ASCC3: variants seen among roughly 807,000 people sequenced by gnomAD.
ASCC3 encodes the protein ASC-1 complex subunit P200.
ASCC3 carries 158 observed loss-of-function variants against 256.3 expected under a neutral mutation model. The observed-to-expected ratio is 0.62, with a 90% CI of 0.54 to 0.70. The LOEUF (loss-of-function observed/expected upper bound fraction) is 0.70, where lower values mean the gene tolerates loss of function less well. Among genes scored for constraint, ASCC3 ranks in the 30% least tolerant of loss-of-function variants. The probability of loss-of-function intolerance (pLI) is 0.00; values close to 1 mark genes in which losing one functional copy is unlikely to be tolerated. For synonymous variants in ASCC3, 948 were observed against 883.4 expected (o/e 1.07, Z -1.30); for missense variants, 2,259 against 2,626.0 (o/e 0.86, Z 3.05).
Position 100,613,161 on chromosome 6 carries a change from G to A in ASCC3, c.4786-6073C>T, listed in dbSNP as rs2398134. 3.6e-4 allele frequency among the ~76,000 whole-genome samples: 54 copies of A among 150,662 alleles called. No individual in the cohort carries two copies. The South Asian group carries it at 8.8e-3, about 25-fold the overall frequency. ...AGAATCTATTACCTGTCTAGATTGC[G>A]TAGTGGGCAAGTCAGGGCTTTTAGG... On this transcript the variant is annotated intron_variant, in intron 30 of 41. Transcript: ENST00000369162.
intron 39 of ASCC3, among the ~76,000 whole-genome samples, chr6:100,515,952 C>G (rs1774003274): frequency 6.6e-6 from 1 of 152,142 alleles, no homozygotes; most frequent in Non-Finnish European, 1.5e-5. Context: ...AGTTCTTACT[C>G]TATGTCAAGA....
intron 13 of ASCC3, among the ~76,000 whole-genome samples, chr6:100,698,557 G>T (rs556741139): frequency 1.4e-4 from 21 of 152,114 alleles, no homozygotes; most frequent in African/African-American, 4.8e-4. Context: ...TGATAAGTCT[G>T]TATCATGAAA....
intron 8 of ASCC3, among the ~76,000 whole-genome samples, chr6:100,792,355 T>C (rs1434563143): frequency 6.6e-6 from 1 of 151,954 alleles, no homozygotes; most frequent in Non-Finnish European, 1.5e-5. Flanking sequence ...TCTTTAAATG[T>C]ATGAATTTTT....
chr6:100,870,693 A>T (rs1404881980), intron 1 of ASCC3, among the ~76,000 whole-genome samples: 1 of 152,078 alleles, frequency 6.6e-6, no homozygotes, highest in Non-Finnish European at 1.5e-5. Flanking sequence ...TTACAAATAA[A>T]CTTCTAAGTT....
intron 34 of ASCC3, among the ~76,000 whole-genome samples, chr6:100,600,118 A>G (rs1336101176): frequency 6.6e-6 from 1 of 151,888 alleles, no homozygotes; most frequent in Non-Finnish European, 1.5e-5. Context: ...TCTTTCTGTC[A>G]CACTAAATGC....
chr6:100,699,012 T>C (rs1020384564), intron 13 of ASCC3, among the ~76,000 whole-genome samples: 11 of 152,224 alleles, frequency 7.2e-5, no homozygotes, highest in African/African-American at 2.7e-4. Context: ...AACCACATTT[T>C]GATCAACATT....
intron 36 of ASCC3, among the ~76,000 whole-genome samples, chr6:100,581,310 A>C (rs1771241480): frequency 1.3e-5 from 2 of 151,626 alleles, no homozygotes; most frequent in Non-Finnish European, 2.9e-5. Context: ...TGTGGTTTTG[A>C]TTTGCATTTC....
At chr6:100,868,409 T>C (rs2114556909) in intron 1 of ASCC3, among the ~76,000 whole-genome samples, 1 of 152,314 alleles carries the variant, frequency 6.6e-6, no homozygotes, top group South Asian at 2.1e-4. Flanking sequence ...CACTTTCCAG[T>C]GGTTTCCTCT....
At chr6:100,824,330 C>T (rs563221745) in intron 4 of ASCC3, among the ~76,000 whole-genome samples, 2 of 152,266 alleles carry the variant, frequency 1.3e-5, no homozygotes, top group African/African-American at 4.8e-5. Context: ...CATTCTGTTT[C>T]CATCTAGTGA....
intron 14 of ASCC3, among the ~76,000 whole-genome samples, chr6:100,666,034 C>G (rs1259655573): frequency 2.0e-5 from 3 of 152,112 alleles, no homozygotes. Context: ...AGTTTTGTCT[C>G]TCCAAGACCA....
intron 24 of ASCC3, among the ~76,000 whole-genome samples, chr6:100,641,722 T>C (rs889554107): frequency 6.6e-6 from 1 of 152,192 alleles, no homozygotes; most frequent in Non-Finnish European, 1.5e-5. Context: ...CATGTATGTT[T>C]ACTGCAGCAC....
intron 4 of ASCC3, among the ~76,000 whole-genome samples, chr6:100,824,671 G>A (rs150118325): frequency 0.011 from 1,660 of 151,836 alleles, 13 homozygotes; most frequent in Non-Finnish European, 0.014. Context: ...ATATAAACTA[G>A]AAGACATATT....
At chr6:100,620,659 T>C (rs1773903741) in intron 30 of ASCC3, among the ~76,000 whole-genome samples, 2 of 152,210 alleles carry the variant, frequency 1.3e-5, no homozygotes, top group African/African-American at 4.8e-5. Context: ...ACACACTGCT[T>C]CATAGTTGCC....
At chr6:100,850,870 T>C (rs1772632307) in intron 3 of ASCC3, among the ~76,000 whole-genome samples, 2 of 152,152 alleles carry the variant, frequency 1.3e-5, no homozygotes, top group Non-Finnish European at 2.9e-5. Flanking sequence ...TTGGATAATT[T>C]GGGGATTATG....
At chr6:100,530,277 T>A in intron 37 of ASCC3, 1 of 1,356,408 alleles carries the variant, frequency 7.4e-7, no homozygotes, top group Non-Finnish European at 1.1e-6. Context: ...GACACCAACA[T>A]GAACAAGTTG....
intron 23 of ASCC3, among the ~76,000 whole-genome samples, chr6:100,643,274 C>T (rs559315339): frequency 1.8e-4 from 28 of 152,176 alleles, no homozygotes; most frequent in Admixed American, 3.9e-4. Flanking sequence ...ACAGAAATTA[C>T]GAATGAAGCA....
intron 8 of ASCC3, among the ~76,000 whole-genome samples, chr6:100,797,715 C>A (rs10457849): frequency 6.6e-6 from 1 of 151,564 alleles, no homozygotes; most frequent in Non-Finnish European, 1.5e-5. Context: ...TAAATAGTAG[C>A]GAGGCACTTG....
intron 18 of ASCC3, 62 bp from the exon 19 acceptor site, chr6:100,651,708 A>C: frequency 1.1e-6 from 1 of 896,582 alleles, no homozygotes; most frequent in Non-Finnish European, 1.6e-6. Flanking sequence ...TAAATTAAAA[A>C]TGTGACTATA....
Position 100,823,825 on chromosome 6 carries a change from TC to T in ASCC3, c.802-17946del, listed in dbSNP as rs1324830067. Among the ~76,000 whole-genome samples the T allele has an allele frequency of 3.3e-5, 5 of 152,266 alleles. 1 individual carries two copies. In the East Asian group the frequency reaches 9.6e-4, roughly 29 times the overall value. On this transcript the variant is annotated intron_variant, in intron 4 of 41. Transcript: ENST00000369162. ...ATAAACAAATGCAGCTTTGAATCTC[TC>T]AAGAAAGGTAATCCTCATTTTCCAC...
Sources: gnomAD v4.1 joint callset for allele counts (sites outside exome capture counted in the v4.1 genomes callset) on GRCh38, gnomAD v4.1.1 for gene constraint, MANE v1.5 for transcripts, NCBI Gene and HGNC (gene_info 2026-07-23, HGNC 2026-07-21) for gene names.